Variants in CCDC110 observed in about 807,000 individuals in gnomAD.
CCDC110 encodes coiled-coil domain containing 110.
Under a neutral mutation model 77.1 loss-of-function variants are expected in CCDC110, and 70 were observed. The ratio of observed to expected loss-of-function variants is 0.91; its 90% CI spans 0.75 to 1.11. The LOEUF is 1.11. Among genes scored for constraint, CCDC110 ranks in the 50% least tolerant of loss-of-function variants. The pLI is 0.00. For missense variants in CCDC110, 868 were observed against 942.9 expected, an observed-to-expected ratio of 0.92 and a Z score of 1.04; for synonymous variants, 295 against 312.5, an observed-to-expected ratio of 0.94 and a Z score of 0.59.
chr4:185,459,951 C>G lies in CCDC110; in HGVS notation c.636G>C (p.Met212Ile), dbSNP rs142282326. Reference sequence around the variant, plus strand: ...CCAGAATTACTGTATCAGCTTGAGACATCACATTTGGAGGTGCAGTAGGTA... The same window carrying G: ...CCAGAATTACTGTATCAGCTTGAGAGATCACATTTGGAGGTGCAGTAGGTA... ...RFLPTAPPNVMSQADTVILDK... is the reference protein window; with the variant it reads ...RFLPTAPPNVISQADTVILDK... The change falls in exon 6 of 7, where the codon ATG becomes ATC. Residue 212 changes from methionine to isoleucine, a missense_variant. By Grantham distance (10) the Met-to-Ile change is conservative. Transcript: ENST00000307588. 2 of 1,613,688 alleles carry G rather than the reference C, an allele frequency of 1.2e-6. No homozygotes were observed. Among genetic ancestry groups the G allele is most frequent in the African/African-American group, 2.7e-5 (2 of 74,912 alleles).
At chr4:185,462,541 A>G (rs2095648266) in intron 4 of CCDC110, 102 bp downstream of exon 4, 2 of 872,598 alleles carry the variant, frequency 2.3e-6, no homozygotes, top group South Asian at 2.9e-5. Flanking sequence ...CTATTATATT[A>G]AATTCTGTGT....
At chr4:185,466,406 G>A (rs1580199216) in intron 2 of CCDC110, among the ~76,000 whole-genome samples, 1 of 151,950 alleles carries the variant, frequency 6.6e-6, no homozygotes, top group South Asian at 2.1e-4. Context: ...AAACATAGAT[G>A]TCACTGCTGG....
chr4:185,469,647 A>G (rs887940902), intron 2 of CCDC110, among the ~76,000 whole-genome samples: 2 of 152,142 alleles, frequency 1.3e-5, no homozygotes, highest in African/African-American at 4.8e-5. Context: ...AAACCTGCAT[A>G]TCTCAAGGGT....
Position 185,468,167 on chromosome 4 carries a change from G to A in CCDC110, c.115+2778C>T, listed in dbSNP as rs1233766856. On this transcript the variant is annotated intron_variant, in intron 2 of 6. Transcript: ENST00000307588. The surrounding 1 kb of genome is among the most constrained non-coding windows in gnomAD (Gnocchi z 4.5). ...TGAGGTGTGGCACCCTCTGCATGAG[G>A]CTTTGTCACAGTCATTATGCAAGGA... 6.6e-6 allele frequency among the ~76,000 whole-genome samples: 1 copy of A among 152,200 alleles called. No individual in the cohort carries two copies. Among genetic ancestry groups the A allele is most frequent in the Non-Finnish European group, 1.5e-5 (1 of 68,040 alleles).
chr4:185,466,680 C>A (rs956358517), intron 2 of CCDC110, among the ~76,000 whole-genome samples: 1 of 152,042 alleles, frequency 6.6e-6, no homozygotes, highest in Non-Finnish European at 1.5e-5. Flanking sequence ...AGCGATCCTC[C>A]CATGTCAGCC....
intron 5 of CCDC110, 178 bp downstream of exon 5, chr4:185,460,871 C>T (rs1028300157): frequency 3.7e-6 from 2 of 540,014 alleles, no homozygotes; most frequent in South Asian, 3.3e-5. Flanking sequence ...GGGAAAACTG[C>T]AAAAGTACAG....
chr4:185,462,740 T>C, intron 3 of CCDC110, 32 bp from the exon 4 acceptor site: 1 of 1,549,018 alleles, frequency 6.5e-7, no homozygotes, highest in Non-Finnish European at 8.9e-7. Flanking sequence ...AAATTGAGTA[T>C]TTTTAGGTAG....
At chr4:185,456,741 T>C (rs2095636573) in intron 6 of CCDC110, among the ~76,000 whole-genome samples, 1 of 152,206 alleles carries the variant, frequency 6.6e-6, no homozygotes, top group African/African-American at 2.4e-5. Flanking sequence ...ATAGAAATCA[T>C]TTAGCAATGT....
intron 6 of CCDC110, 108 bp downstream of exon 6, chr4:185,458,018 A>G (rs1226180914): frequency 3.8e-6 from 3 of 792,202 alleles, no homozygotes; most frequent in East Asian, 3.1e-5. Flanking sequence ...TTTACAAAAC[A>G]AAATTGTATT....
At chr4:185,455,431 T>C (rs988759352) in intron 6 of CCDC110, among the ~76,000 whole-genome samples, 1 of 152,182 alleles carries the variant, frequency 6.6e-6, no homozygotes, top group African/African-American at 2.4e-5. Flanking sequence ...CAAAAAGATA[T>C]ACTATGCAAA....
rs143039195 is a variant in CCDC110, at chr4:185,461,058, T to G, written c.339A>C (p.Glu113Asp). 6.6e-7 allele frequency: 1 copy of G among 1,514,234 alleles called. No individual in the cohort carries two copies. The highest frequency in any genetic ancestry group is 9.0e-7 in the Non-Finnish European group (1 of 1,113,754). The allele number at this position is 1,514,234 out of a possible 1,614,324, so 93.8% of individuals were successfully genotyped here. Reference sequence around the variant, plus strand: ...CTGTAGAATAACATACCAAATCCTTTTCAATGCGCGTGCCAAACACCAGAT... The same window carrying G: ...CTGTAGAATAACATACCAAATCCTTGTCAATGCGCGTGCCAAACACCAGAT... ...EKNLVFGTRI[E>D]KDLPTENQEE... The change falls in exon 5 of 7, where the codon GAA becomes GAC. Residue 113 changes from glutamate to aspartate, a missense_variant. By Grantham distance (45) the Glu-to-Asp change is conservative. Transcript: ENST00000307588.
At position 185,460,158 on chromosome 4, in the gene CCDC110, T is replaced by C; in HGVS notation, c.429A>G (p.Glu143=). 1 of 1,612,924 alleles carries C rather than the reference T, an allele frequency of 6.2e-7. No individual in the cohort carries two copies. The highest frequency in any genetic ancestry group is 1.1e-5 in the South Asian group (1 of 91,066). ...FEDSKTLHSV[E]EKLSGDSVNS... Reference sequence around the variant, plus strand: ...TCACACTATCACCACTTAATTTTTCTTCCACTGAATGAAGTGTCTTGGAAT... The same window carrying C: ...TCACACTATCACCACTTAATTTTTCCTCCACTGAATGAAGTGTCTTGGAAT... Residue 143 remains glutamate (E), a synonymous_variant, in exon 6 of 7, where the codon GAA becomes GAG. Transcript: ENST00000307588.
chr4:185,466,453 T>C (rs1319992846), intron 2 of CCDC110, among the ~76,000 whole-genome samples: 1 of 152,086 alleles, frequency 6.6e-6, no homozygotes, highest in Non-Finnish European at 1.5e-5. Flanking sequence ...CCGAACGAAG[T>C]GCTTGAGGAG....
chr4:185,448,902 A>G (rs1309505144), intron 6 of CCDC110, among the ~76,000 whole-genome samples: 2 of 152,188 alleles, frequency 1.3e-5, no homozygotes, highest in African/African-American at 4.8e-5. Flanking sequence ...ATAAGTGATT[A>G]TTCTTTTGAA....
chr4:185,452,379 A>G, intron 6 of CCDC110: 6 of 985,376 alleles, frequency 6.1e-6, no homozygotes, highest in Non-Finnish European at 7.2e-6. Flanking sequence ...CAAATCTGAA[A>G]CAATGATTGT....
rs571038275 is a variant in CCDC110, at chr4:185,471,549, G to A, written c.10+125C>T. 1.3e-3 allele frequency: 1,417 copies of A among 1,057,520 alleles called. 4 individuals are homozygous for A. The highest frequency in any genetic ancestry group is 2.8e-3 in the Admixed American group (121 of 42,558). The allele number at this position is 1,057,520 out of a possible 1,614,324, so 65.5% of individuals were successfully genotyped here. A position where few individuals can be genotyped will look rare whatever the true frequency, so the allele number is the denominator to read the frequency against. ...CCTAGGGCCGAGCGGGAGATGTGCG[G>A]CGAGTGCAGAAGGGCGGACCCGGGA... On this transcript the variant is annotated intron_variant, in intron 1 of 6. Coordinates refer to ENST00000307588, the MANE Select transcript of CCDC110 (RefSeq NM_152775.4).
rs1244198811 is a variant in CCDC110 at position 185,459,560 on chromosome 4, A to C, written c.1027T>G (p.Leu343Val). 6.2e-7 allele frequency: 1 copy of C among 1,613,206 alleles called. No homozygotes were observed. Among genetic ancestry groups the C allele is most frequent in the Non-Finnish European group, 8.5e-7 (1 of 1,179,670 alleles). ...HVHFCRKCKK[L>V]SKSEMHRGKK... The stretch of plus-strand genomic sequence containing the variant: ...CCCCTGTGCATTTCACTCTTAGATA[A>C]CTTTTTACATTTTCTACAAAAATGC... Residue 343 changes from leucine to valine, a missense_variant, in exon 6 of 7, where the codon TTA becomes GTA. Coordinates refer to ENST00000307588, the MANE Select transcript of CCDC110 (RefSeq NM_152775.4).
intron 6 of CCDC110, chr4:185,452,322 G>A: frequency 1.0e-6 from 1 of 985,408 alleles, no homozygotes; most frequent in South Asian, 4.7e-5. Context: ...TGCTCAGCCA[G>A]ACATCAGTCT....
At chr4:185,469,295 C>A (rs894456499) in intron 2 of CCDC110, among the ~76,000 whole-genome samples, 2 of 152,190 alleles carry the variant, frequency 1.3e-5, no homozygotes, top group African/African-American at 4.8e-5. Flanking sequence ...TCCTGGGTGG[C>A]CCCTGACTCA....
Sources: gnomAD v4.1 joint callset for allele counts (sites outside exome capture counted in the v4.1 genomes callset) on GRCh38, gnomAD v4.1.1 for gene constraint, Gnocchi (gnomAD v3.1) non-coding constraint, MANE v1.5 for transcripts, NCBI Gene and HGNC (gene_info 2026-07-23, HGNC 2026-07-21) for gene names.